TRIM43: variants seen among roughly 807,000 people sequenced by gnomAD.
The protein encoded by TRIM43 is tripartite motif containing 43, also known as tripartite motif-containing protein 43.
A neutral mutation model predicts 27.7 loss-of-function variants in TRIM43; 12 were observed. The observed-to-expected ratio is 0.43, with a 90% CI of 0.28 to 0.70. The LOEUF is 0.70. TRIM43 is among the 30% of genes least tolerant of loss of function. TRIM43 has a pLI of 0.17. For synonymous variants in TRIM43, 64 were observed against 121.9 expected (o/e 0.52, Z 3.13); for missense variants, 186 against 356.5 (o/e 0.52, Z 3.85).
At chr2:95,592,707 A>G (rs1443050872) in intron 1 of TRIM43, among the ~76,000 whole-genome samples, 1 of 150,908 alleles carries the variant, frequency 6.6e-6, no homozygotes, top group Non-Finnish European at 1.5e-5. Flanking sequence ...TTTTAGAGAC[A>G]GGATGATCTA....
chr2:95,592,289 A>G (rs1451170895), intron 1 of TRIM43, 140 bp downstream of exon 1: 1 of 151,784 alleles, frequency 6.6e-6, no homozygotes, highest in Non-Finnish European at 1.5e-5. Flanking sequence ...AAACGGCTCC[A>G]TTTCTTTTTT....
In TRIM43 at chr2:95,593,387, G is replaced by GT. The variant is rs528540439; in HGVS notation, c.-4-628dup. 3.8e-4 allele frequency among the ~76,000 whole-genome samples: 52 copies of GT among 137,728 alleles called. 1 individual carries two copies. Among genetic ancestry groups the GT allele is most frequent in the African/African-American group, 1.2e-3 (50 of 40,412 alleles). 90.4% of individuals were successfully genotyped at this position (137,728 alleles called of 152,430 possible). On this transcript the variant is annotated intron_variant, in intron 1 of 6. Transcript: ENST00000272395. Reference sequence around the variant, plus strand: ...CCAGGAACAGTAAACATGCCAGAAAGTTTTTGTTGATTAAATTAACATAGT... The same window carrying GT: ...CCAGGAACAGTAAACATGCCAGAAAGTTTTTTGTTGATTAAATTAACATAGT...
chr2:95,596,090 C>T, intron 3 of TRIM43, 112 bp from the exon 4 acceptor site: 2 of 1,216,674 alleles, frequency 1.6e-6, no homozygotes, highest in Non-Finnish European at 2.3e-6. Flanking sequence ...AACTCATCAT[C>T]CTGTTTGTAA....
At chr2:95,592,905 T>A (rs1685282075) in intron 1 of TRIM43, among the ~76,000 whole-genome samples, 1 of 151,564 alleles carries the variant, frequency 6.6e-6, no homozygotes, top group Admixed American at 6.6e-5. Flanking sequence ...TGTTTTTTTT[T>A]TTTAGAGGGG....
intron 4 of TRIM43, among the ~76,000 whole-genome samples, 153 bp downstream of exon 4, chr2:95,596,585 G>T (rs573019032): frequency 1.4e-5 from 2 of 145,734 alleles, no homozygotes; most frequent in South Asian, 2.2e-4. Context: ...TAACTCCTAC[G>T]CTAATCATGG....
intron 3 of TRIM43, 47 bp downstream of exon 3, chr2:95,595,192 G>T (rs1182242208): frequency 1.4e-6 from 2 of 1,412,168 alleles, no homozygotes; most frequent in East Asian, 4.6e-5. Flanking sequence ...AGACAGGCAT[G>T]CTGACAACAT....
At chr2:95,594,887 C>T (rs1303124482) in intron 2 of TRIM43, among the ~76,000 whole-genome samples, 163 bp from the exon 3 acceptor site, 6 of 151,672 alleles carry the variant, frequency 4.0e-5, no homozygotes, top group Admixed American at 3.3e-4. Flanking sequence ...ATTCTGAAAC[C>T]TCAAACTGAA....
chr2:95,594,539 C>T (rs1685319975), intron 2 of TRIM43, 105 bp downstream of exon 2: 13 of 1,468,654 alleles, frequency 8.9e-6, no homozygotes, highest in Non-Finnish European at 1.2e-5. Context: ...TTACTGAGTG[C>T]CAGGTGCTGT....
chr2:95,592,485 C>G (rs1408085798), intron 1 of TRIM43, among the ~76,000 whole-genome samples: 2 of 151,584 alleles, frequency 1.3e-5, no homozygotes, highest in Admixed American at 6.6e-5. Flanking sequence ...TCTTCAGCCT[C>G]GGCCTCCAGA....
chr2:95,595,132 C>G lies in TRIM43; in HGVS notation c.494C>G (p.Ala165Gly), dbSNP rs2104458349. ...AATCTATATGAGGAGGGAAGAACAG[C>G]CTTCCTCTGGAGGGTAAGTATGAGA... ...QRNLYEEGRT[A>G]FLWRGNVVLR... Residue 165 changes from alanine (A) to glycine (G), a missense_variant, in exon 3 of 7, where the codon GCC (alanine) becomes GGC (glycine). Ala to Gly is a moderately conservative substitution (Grantham distance 60). Transcript: ENST00000272395. The G allele has an allele frequency of 1.9e-6, 3 of 1,611,726 alleles. No homozygotes were observed. The highest frequency in any genetic ancestry group is 4.5e-5 in the East Asian group (2 of 44,844).
intron 1 of TRIM43, 140 bp from the exon 2 acceptor site, chr2:95,593,880 C>T: frequency 6.8e-7 from 1 of 1,481,290 alleles, no homozygotes; most frequent in Non-Finnish European, 9.0e-7. Context: ...TCTGTTTTTC[C>T]TATTTCTGTC....
At chr2:95,594,968 T>C in intron 2 of TRIM43, 82 bp from the exon 3 acceptor site, 1 of 1,434,040 alleles carries the variant, frequency 7.0e-7, no homozygotes, top group African/African-American at 1.4e-5. Flanking sequence ...TTATATATTA[T>C]CCCTTGCCTG....
intron 3 of TRIM43, 145 bp downstream of exon 3, chr2:95,595,290 T>C: frequency 8.9e-6 from 5 of 561,904 alleles, no homozygotes; most frequent in Non-Finnish European, 1.5e-5. Flanking sequence ...CTGTTCAACA[T>C]AACGATTGTT....
At position 95,592,011 on chromosome 2, in the gene TRIM43, A is replaced by G. The variant is rs1292578970; in HGVS notation, c.-143A>G. ...TCAGGAGCCAAGCTCATTCTTCTCC[A>G]GAGCCCACAGAGTAGCTTTGCAACT... On this transcript the variant is annotated 5_prime_UTR_variant, in exon 1 of 7. Transcript: ENST00000272395. 1 of 151,120 alleles carries G rather than the reference A, an allele frequency of 6.6e-6. No homozygotes were observed. The highest frequency in any genetic ancestry group is 1.5e-5 in the Non-Finnish European group (1 of 67,778). The allele number at this position is 151,120 out of a possible 1,614,324, so 9.4% of individuals were successfully genotyped here. A position where few individuals can be genotyped will look rare whatever the true frequency, so the allele number is the denominator to read the frequency against.
intron 1 of TRIM43, among the ~76,000 whole-genome samples, chr2:95,592,615 T>G (rs963787014): frequency 1.3e-5 from 2 of 151,520 alleles, no homozygotes; most frequent in African/African-American, 4.9e-5. Flanking sequence ...TTGTGATCCG[T>G]TCACCTCCGC....
chr2:95,593,536 T>C lies in TRIM43; in HGVS notation c.-4-484T>C, dbSNP rs555339612. Among the ~76,000 whole-genome samples, 69 of 152,008 alleles carry C rather than the reference T, an allele frequency of 4.5e-4. 2 individuals are homozygous for C. Among genetic ancestry groups the C allele is most frequent in the African/African-American group, 1.5e-3 (61 of 41,456 alleles). ...TTGGGTCAAAGTATGAGTTCTGCTC[T>C]AACATTTTCAAGCAATGTCCTTCTG... On this transcript the variant is annotated intron_variant, in intron 1 of 6. Transcript: ENST00000272395.
intron 1 of TRIM43, among the ~76,000 whole-genome samples, chr2:95,592,500 C>G (rs1201190254): frequency 3.3e-5 from 5 of 151,502 alleles, no homozygotes; most frequent in Non-Finnish European, 7.4e-5. Context: ...TCCAGAGTAG[C>G]TGGAAATATA....
intron 1 of TRIM43, 71 bp from the exon 2 acceptor site, chr2:95,593,949 G>C: frequency 6.5e-7 from 1 of 1,550,146 alleles, no homozygotes; most frequent in Non-Finnish European, 8.7e-7. Context: ...ATCACGATCT[G>C]ATTCAAACTT....
chr2:95,594,403 A>G lies in TRIM43; in HGVS notation c.380A>G (p.His127Arg). 1.2e-6 allele frequency: 2 copies of G among 1,610,932 alleles called. No individual in the cohort carries two copies. Among genetic ancestry groups the G allele is most frequent in the Non-Finnish European group, 1.7e-6 (2 of 1,179,534 alleles). ...NSQEHGAHKH[H>R]PIEEAAEEHR... ...CAGGAGCACGGGGCTCACAAACACC[A>G]TCCCATCGAAGAGGCAGCTGAGGAA... Residue 127 changes from histidine to arginine, a missense_variant, in exon 2 of 7, where the codon CAT becomes CGT. His to Arg is a conservative substitution (Grantham distance 29). This residue lies in a region of TRIM43 where 91 missense variants were observed against 119.3 expected (regional missense o/e 0.76). Transcript: ENST00000272395.
Sources: gnomAD v4.1 joint callset for allele counts (sites outside exome capture counted in the v4.1 genomes callset) on GRCh38, gnomAD v4.1.1 for gene constraint, gnomAD v4.1.1 regional missense constraint, MANE v1.5 for transcripts, NCBI Gene and HGNC (gene_info 2026-07-23, HGNC 2026-07-21) for gene names.